The following CACNA2D3 variants were observed in gnomAD, a reference collection of about 807,000 sequenced individuals.
The protein encoded by CACNA2D3 is calcium voltage-gated channel auxiliary subunit alpha2delta 3, also known as voltage-dependent calcium channel subunit alpha-2/delta-3.
In CACNA2D3, 60 loss-of-function variants were observed where a neutral mutation model predicts 160.6. The ratio of observed to expected loss-of-function variants is 0.37; its 90% CI spans 0.30 to 0.46. The LOEUF is 0.46. Among genes scored for constraint, CACNA2D3 ranks in the 20% least tolerant of loss-of-function variants. The pLI, the probability that CACNA2D3 is intolerant of heterozygous loss-of-function variation, is 1.00. For synonymous variants in CACNA2D3, 558 were observed against 492.9 expected, an observed-to-expected ratio of 1.13 and a Z score of -1.75; for missense variants, 1,205 against 1,365.0, an observed-to-expected ratio of 0.88 and a Z score of 1.85.
At chr3:54,382,320 G>T (rs1018888631) in intron 3 of CACNA2D3, among the ~76,000 whole-genome samples, 1 of 152,130 alleles carries the variant, frequency 6.6e-6, no homozygotes, top group South Asian at 2.1e-4. Context: ...CTTACCTGCA[G>T]ATTTGTTTTA....
intron 5 of CACNA2D3, among the ~76,000 whole-genome samples, chr3:54,547,140 G>A (rs908141076): frequency 1.3e-5 from 2 of 152,094 alleles, no homozygotes; most frequent in African/African-American, 2.4e-5. Context: ...GAATTTATAG[G>A]GTGAATGAGG....
At chr3:54,891,715 C>T (rs1448659554) in intron 25 of CACNA2D3, among the ~76,000 whole-genome samples, 4 of 152,174 alleles carry the variant, frequency 2.6e-5, no homozygotes, top group African/African-American at 9.7e-5. Flanking sequence ...CCTGATGAGT[C>T]ATTTCAGAAC....
chr3:54,850,823 A>C (rs1055307912), intron 17 of CACNA2D3, among the ~76,000 whole-genome samples: 1 of 152,220 alleles, frequency 6.6e-6, no homozygotes, highest in Admixed American at 6.5e-5. Flanking sequence ...GGAGATGAGG[A>C]AGGATGCTGT....
At chr3:54,944,825 G>A (rs1055693462) in intron 27 of CACNA2D3, among the ~76,000 whole-genome samples, 1 of 152,090 alleles carries the variant, frequency 6.6e-6, no homozygotes, top group African/African-American at 2.4e-5. Context: ...GTGTGTGTGT[G>A]TGTGTGTGTG....
chr3:54,279,073 C>CTGCGACTT (rs1702812886), intron 2 of CACNA2D3, among the ~76,000 whole-genome samples: 1 of 152,162 alleles, frequency 6.6e-6, no homozygotes, highest in Admixed American at 6.5e-5. Flanking sequence ...GCGACGATAC[C>CTGCGACTT]TAATTCACTG....
intron 13 of CACNA2D3, among the ~76,000 whole-genome samples, chr3:54,781,239 G>A (rs1702530091): frequency 1.3e-5 from 2 of 152,318 alleles, no homozygotes; most frequent in South Asian, 4.1e-4. Flanking sequence ...ATTCACAGAG[G>A]CCCTTTGCTA....
At chr3:54,566,719 G>A (rs186151016) in intron 6 of CACNA2D3, among the ~76,000 whole-genome samples, 17 of 152,290 alleles carry the variant, frequency 1.1e-4, no homozygotes, top group Admixed American at 7.2e-4. Context: ...ATAGCCGTAC[G>A]CAGGGGAGTT....
chr3:54,721,649 T>C (rs1233258183), intron 11 of CACNA2D3, among the ~76,000 whole-genome samples: 3 of 151,174 alleles, frequency 2.0e-5, no homozygotes, highest in Non-Finnish European at 4.4e-5. Context: ...TAATCCCAAC[T>C]ACTTGGGAGG....
chr3:54,660,491 T>G (rs777751364), intron 11 of CACNA2D3, among the ~76,000 whole-genome samples: 7 of 152,142 alleles, frequency 4.6e-5, no homozygotes, highest in Non-Finnish European at 1.0e-4. Context: ...GGTAGAGAAA[T>G]CACCTTTACA....
At chr3:54,586,702 T>C (rs1237516436) in intron 9 of CACNA2D3, among the ~76,000 whole-genome samples, 1 of 152,152 alleles carries the variant, frequency 6.6e-6, no homozygotes, top group Non-Finnish European at 1.5e-5. Flanking sequence ...GAGCACTCTA[T>C]CTAAATAACA....
chr3:54,945,292 T>C (rs1049431600), intron 27 of CACNA2D3, among the ~76,000 whole-genome samples: 3 of 152,214 alleles, frequency 2.0e-5, no homozygotes, highest in African/African-American at 7.2e-5. Context: ...CTCCAGTCTG[T>C]CTGTGGCAGT....
At chr3:55,010,181 C>T (rs1481618931) in intron 34 of CACNA2D3, among the ~76,000 whole-genome samples, 2 of 151,978 alleles carry the variant, frequency 1.3e-5, no homozygotes, top group African/African-American at 4.8e-5. Flanking sequence ...GTAAGGTAAA[C>T]ACTGAGTACA....
At chr3:54,548,616 C>T (rs1039697492) in intron 5 of CACNA2D3, among the ~76,000 whole-genome samples, 3 of 152,198 alleles carry the variant, frequency 2.0e-5, no homozygotes, top group Admixed American at 1.3e-4. Flanking sequence ...TTCTTCCTCA[C>T]CCCACCTCTT....
intron 12 of CACNA2D3, among the ~76,000 whole-genome samples, chr3:54,758,685 A>G (rs1421118074): frequency 6.6e-6 from 1 of 152,214 alleles, no homozygotes; most frequent in African/African-American, 2.4e-5. Flanking sequence ...AAACCAGGGA[A>G]GCCACAGCAT....
At chr3:54,859,992 A>G (rs1480983375) in intron 17 of CACNA2D3, among the ~76,000 whole-genome samples, 2 of 151,702 alleles carry the variant, frequency 1.3e-5, no homozygotes, top group Non-Finnish European at 2.9e-5. Context: ...ACACACACAC[A>G]CACACACACA....
At chr3:54,356,606 G>A (rs1380504718) in intron 3 of CACNA2D3, among the ~76,000 whole-genome samples, 1 of 152,150 alleles carries the variant, frequency 6.6e-6, no homozygotes, top group African/African-American at 2.4e-5. Flanking sequence ...GAGCCTTCGA[G>A]TAGTCTTAAA....
At chr3:54,342,950 G>T (rs1250150775) in intron 3 of CACNA2D3, among the ~76,000 whole-genome samples, 1 of 152,138 alleles carries the variant, frequency 6.6e-6, no homozygotes, top group Non-Finnish European at 1.5e-5. Context: ...CTGGGTAGCC[G>T]CACAGAGTTT....
chr3:54,400,188 C>T (rs13327695), intron 4 of CACNA2D3, among the ~76,000 whole-genome samples: 1,480 of 147,372 alleles, frequency 0.01, 7 homozygotes, highest in Non-Finnish European at 0.016. Context: ...CACTGGCCTG[C>T]GCCCACTGTC....
intron 13 of CACNA2D3, 71 bp from the exon 14 acceptor site, chr3:54,816,782 G>A: frequency 6.4e-7 from 1 of 1,553,204 alleles, no homozygotes; most frequent in Non-Finnish European, 8.7e-7. Flanking sequence ...AGAAAATGAA[G>A]CTTTACCATT....
Sources: allele counts gnomAD v4.1 joint callset (sites outside exome capture counted in the v4.1 genomes callset), GRCh38; gene constraint gnomAD v4.1.1; transcripts MANE v1.5; gene names NCBI Gene and HGNC (gene_info 2026-07-23, HGNC 2026-07-21).